CACNA2D1: variants seen among roughly 807,000 people sequenced by gnomAD.
The protein encoded by CACNA2D1 is calcium voltage-gated channel auxiliary subunit alpha2delta 1.
In CACNA2D1, 53 loss-of-function variants were observed where a neutral mutation model predicts 171.5. The observed-to-expected ratio is 0.31, with a 90% CI of 0.25 to 0.39. CACNA2D1 has a LOEUF of 0.39. Ranked by LOEUF, CACNA2D1 falls within the 10% of genes least tolerant of loss-of-function variation. The pLI is 1.00. For missense variants in CACNA2D1, 903 were observed against 1,299.8 expected (o/e 0.69, Z 4.69); for synonymous variants, 442 against 443.1 (o/e 1.00, Z 0.03).
chr7:82,298,706 A>G (rs1310775348), intron 3 of CACNA2D1, among the ~76,000 whole-genome samples: 2 of 152,062 alleles, frequency 1.3e-5, no homozygotes, highest in Non-Finnish European at 2.9e-5. Context: ...CTATAGGCGC[A>G]TGCTACCACA....
chr7:82,233,684 T>TC (rs1803214709), intron 3 of CACNA2D1, among the ~76,000 whole-genome samples: 1 of 152,040 alleles, frequency 6.6e-6, no homozygotes, highest in Non-Finnish European at 1.5e-5. Context: ...CCTTTTTTTT[T>TC]CCCCACTCTT....
intron 3 of CACNA2D1, among the ~76,000 whole-genome samples, chr7:82,217,350 A>T (rs1544448): frequency 0.047 from 1,091 of 23,000 alleles, 11 homozygotes; most frequent in Middle Eastern, 0.12. Context: ...CTGCCTTTTT[A>T]AAAAAAAAAT....
intron 12 of CACNA2D1, among the ~76,000 whole-genome samples, chr7:82,017,024 C>T (rs1392448226): frequency 6.6e-6 from 1 of 152,054 alleles, no homozygotes; most frequent in Non-Finnish European, 1.5e-5. Flanking sequence ...ATAATTTATA[C>T]AACTGCTTTA....
intron 15 of CACNA2D1, among the ~76,000 whole-genome samples, chr7:82,008,075 CT>C (rs1483429260): frequency 6.6e-6 from 1 of 152,054 alleles, no homozygotes; most frequent in Admixed American, 6.6e-5. Flanking sequence ...TGTCCTCCCC[CT>C]TTTTCATAGT....
rs540675855 is a variant in CACNA2D1 at position 82,027,958 on chromosome 7, G to A, written c.1143+4839C>T. 160 of 152,214 alleles carry A rather than the reference G, an allele frequency of 1.1e-3. 2 individuals are homozygous for A. The South Asian group carries it at 0.031, about 30-fold the overall frequency. The allele number at this position is 152,214 out of a possible 1,614,324, so 9.4% of individuals were successfully genotyped here. A position where few individuals can be genotyped will look rare whatever the true frequency, so the allele number is the denominator to read the frequency against. On this transcript the variant is annotated intron_variant, in intron 12 of 38. Transcript: ENST00000356860. Reference sequence around the variant, plus strand: ...AGCAAGTGCTGATGTAGAAGCTGCAGCAAGTTATCCAGAAGATGTAGCTAA... The same window carrying A: ...AGCAAGTGCTGATGTAGAAGCTGCAACAAGTTATCCAGAAGATGTAGCTAA...
chr7:82,083,823 CTT>C (rs1250221246), intron 7 of CACNA2D1, among the ~76,000 whole-genome samples: 1 of 152,038 alleles, frequency 6.6e-6, no homozygotes, highest in Non-Finnish European at 1.5e-5. Context: ...ACAATCCAAA[CTT>C]ATATATTTTC....
chr7:82,222,723 ATCTTT>A (rs143726060), intron 3 of CACNA2D1, among the ~76,000 whole-genome samples: 12,410 of 152,038 alleles, frequency 0.082, 682 homozygotes, highest in Non-Finnish European at 0.11. Context: ...GAGGGCAGGA[ATCTTT>A]TCTTTTCTTA....
intron 1 of CACNA2D1, among the ~76,000 whole-genome samples, chr7:82,428,114 A>AC (rs1563539450): frequency 6.6e-6 from 1 of 152,102 alleles, no homozygotes; most frequent in African/African-American, 2.4e-5. Context: ...AAATAAAAAA[A>AC]AAACAAACAA....
chr7:82,067,755 T>C (rs1807832616), intron 7 of CACNA2D1, among the ~76,000 whole-genome samples: 1 of 152,170 alleles, frequency 6.6e-6, no homozygotes, highest in Admixed American at 6.5e-5. Context: ...AGCACTAGAA[T>C]TAAGTAACAA....
intron 1 of CACNA2D1, among the ~76,000 whole-genome samples, chr7:82,369,260 T>C (rs1822091635): frequency 6.6e-6 from 1 of 152,044 alleles, no homozygotes; most frequent in African/African-American, 2.4e-5. Flanking sequence ...TAGTAGGAAT[T>C]CATTAAGTGT....
chr7:82,106,082 T>C (rs1584766570), intron 6 of CACNA2D1, among the ~76,000 whole-genome samples: 1 of 152,170 alleles, frequency 6.6e-6, no homozygotes, highest in Admixed American at 6.5e-5. Context: ...CATAACCCGG[T>C]ATCTTTAAAG....
intron 4 of CACNA2D1, among the ~76,000 whole-genome samples, chr7:82,146,351 GATATAT>G (rs141319970): frequency 8.1e-6 from 1 of 123,400 alleles, no homozygotes; most frequent in African/African-American, 3.0e-5. Context: ...TAGAAGAAAT[GATATAT>G]ATATATCTTT....
At chr7:82,005,714 G>T (rs767290441) in intron 17 of CACNA2D1, 51 bp downstream of exon 17, 2 of 1,229,628 alleles carry the variant, frequency 1.6e-6, no homozygotes, top group Admixed American at 3.4e-5. Flanking sequence ...AGCTAAGTTA[G>T]TACAGAGTTC....
chr7:82,270,482 T>C (rs540847299), intron 3 of CACNA2D1, among the ~76,000 whole-genome samples: 30 of 152,272 alleles, frequency 2.0e-4, no homozygotes, highest in African/African-American at 6.3e-4. Context: ...GGTTTATTTA[T>C]CCAATCTTTC....
Position 81,984,619 on chromosome 7 carries a change from C to T in CACNA2D1, c.1873+16G>A. 1 of 1,449,424 alleles carries T rather than the reference C, an allele frequency of 6.9e-7. No homozygotes were observed. Among genetic ancestry groups the T allele is most frequent in the East Asian group, 2.3e-5 (1 of 43,382 alleles). The allele number at this position is 1,449,424 out of a possible 1,614,324, so 89.8% of individuals were successfully genotyped here. ...AGATAACAAATGGACCCTGAAGTCA[C>T]TTTCACAGTACTTACATCTGGCCTG... On this transcript the variant is annotated intron_variant, in intron 22 of 38. Transcript: ENST00000356860.
At chr7:82,342,830 A>G (rs1348564685) in intron 2 of CACNA2D1, among the ~76,000 whole-genome samples, 3 of 152,140 alleles carry the variant, frequency 2.0e-5, no homozygotes, top group Non-Finnish European at 2.9e-5. Context: ...AGGCAAATTG[A>G]GACATAATTA....
At chr7:82,073,042 T>G (rs923215665) in intron 7 of CACNA2D1, among the ~76,000 whole-genome samples, 3 of 152,112 alleles carry the variant, frequency 2.0e-5, no homozygotes, top group African/African-American at 7.2e-5. Flanking sequence ...GATACTATTT[T>G]CCCATCCCAT....
chr7:82,139,105 CA>C (rs1265155924), intron 4 of CACNA2D1, among the ~76,000 whole-genome samples: 2 of 151,922 alleles, frequency 1.3e-5, no homozygotes, highest in African/African-American at 4.8e-5. Context: ...CCAAGAAAGG[CA>C]AAAAATAACT....
intron 7 of CACNA2D1, among the ~76,000 whole-genome samples, chr7:82,068,247 C>T (rs1172315375): frequency 6.6e-6 from 1 of 152,134 alleles, no homozygotes; most frequent in Non-Finnish European, 1.5e-5. Flanking sequence ...TGTACCCCTC[C>T]AGCCCCGCCC....
Sources: allele counts gnomAD v4.1 joint callset (sites outside exome capture counted in the v4.1 genomes callset), GRCh38; gene constraint gnomAD v4.1.1; transcripts MANE v1.5; gene names NCBI Gene and HGNC (gene_info 2026-07-23, HGNC 2026-07-21).